The following EPHA6 variants were observed in gnomAD, a reference collection of about 807,000 sequenced individuals.
The protein encoded by EPHA6 is EPH receptor A6.
A neutral mutation model predicts 112.0 loss-of-function variants in EPHA6; 50 were observed. The ratio of observed to expected loss-of-function variants is 0.45; its 90% CI spans 0.36 to 0.56. The LOEUF (loss-of-function observed/expected upper bound fraction) is 0.56. Ranked by LOEUF, EPHA6 falls within the 20% of genes least tolerant of loss-of-function variation. The probability of loss-of-function intolerance (pLI) is 0.00; values close to 1 mark genes in which losing one functional copy is unlikely to be tolerated. For synonymous variants in EPHA6, 529 were observed against 490.7 expected, an observed-to-expected ratio of 1.08 and a Z score of -1.03; for missense variants, 1,280 against 1,417.4, an observed-to-expected ratio of 0.90 and a Z score of 1.56.
chr3:96,885,232 G>A (rs1037072016), intron 2 of EPHA6, among the ~76,000 whole-genome samples: 1 of 152,092 alleles, frequency 6.6e-6, no homozygotes, highest in Non-Finnish European at 1.5e-5. Flanking sequence ...GGTGATGCTG[G>A]CTTCATCGAA....
chr3:97,414,644 TAA>T (rs1483470939), intron 6 of EPHA6, among the ~76,000 whole-genome samples: 1 of 152,180 alleles, frequency 6.6e-6, no homozygotes, highest in East Asian at 1.9e-4. Context: ...GAAAAAAACC[TAA>T]GTCTGTATTC....
intron 1 of EPHA6, among the ~76,000 whole-genome samples, chr3:96,844,418 C>T (rs2034946823): frequency 6.6e-6 from 1 of 151,972 alleles, no homozygotes; most frequent in Non-Finnish European, 1.5e-5. Flanking sequence ...AAGTTAGTCA[C>T]ATTTAAAATA....
rs561231499 is a variant in EPHA6, at chr3:97,591,951, A to T, written c.2387-661A>T. Among the ~76,000 whole-genome samples, 9 of 152,258 alleles carry T rather than the reference A, an allele frequency of 5.9e-5. No homozygotes were observed. In the Middle Eastern group the frequency reaches 0.01, roughly 173 times the overall value. On this transcript the variant is annotated intron_variant, in intron 11 of 17. Coordinates refer to ENST00000389672, the MANE Select transcript of EPHA6 (RefSeq NM_001080448.3). ...CGTTCTGACACTCTTTTATTCTATG[A>T]TTCATTATATAATTTTATGGATAAA... is the stretch of plus-strand genomic sequence containing the variant.
chr3:96,954,950 A>G (rs1198302010), intron 2 of EPHA6, among the ~76,000 whole-genome samples: 1 of 151,734 alleles, frequency 6.6e-6, no homozygotes, highest in African/African-American at 2.4e-5. Context: ...TTCTACATCT[A>G]GAATGCTATC....
At chr3:97,197,727 AG>A (rs2077477550) in intron 3 of EPHA6, among the ~76,000 whole-genome samples, 1 of 152,000 alleles carries the variant, frequency 6.6e-6, no homozygotes, top group South Asian at 2.1e-4. Context: ...CTTCTAGCCC[AG>A]TACAGCGCCA....
At chr3:96,974,228 T>C (rs2042432004) in intron 2 of EPHA6, among the ~76,000 whole-genome samples, 1 of 147,660 alleles carries the variant, frequency 6.8e-6, no homozygotes, top group Non-Finnish European at 1.5e-5. Context: ...TGATATATTA[T>C]TAAATTATTA....
At chr3:97,098,969 T>A (rs1272052065) in intron 3 of EPHA6, among the ~76,000 whole-genome samples, 2 of 151,930 alleles carry the variant, frequency 1.3e-5, no homozygotes, top group Non-Finnish European at 2.9e-5. Context: ...ATTTATGAGA[T>A]TCTATGCAAT....
At chr3:96,830,788 G>C (rs912600133) in intron 1 of EPHA6, among the ~76,000 whole-genome samples, 11 of 151,776 alleles carry the variant, frequency 7.2e-5, no homozygotes, top group African/African-American at 2.7e-4. Context: ...GAAATGGGGG[G>C]GACATTGATC....
At chr3:97,544,368 G>A (rs2107685757) in intron 11 of EPHA6, among the ~76,000 whole-genome samples, 1 of 152,130 alleles carries the variant, frequency 6.6e-6, no homozygotes, top group South Asian at 2.1e-4. Flanking sequence ...TTTTGTCTTT[G>A]GTTCTGTTTA....
chr3:97,118,372 G>A (rs2047952630), intron 3 of EPHA6, among the ~76,000 whole-genome samples: 1 of 150,802 alleles, frequency 6.6e-6, no homozygotes, highest in Non-Finnish European at 1.5e-5. Context: ...TATTTTATTT[G>A]GAAAACACCT....
chr3:96,979,147 G>A (rs868859415), intron 2 of EPHA6, among the ~76,000 whole-genome samples: 1 of 152,002 alleles, frequency 6.6e-6, no homozygotes. Context: ...CCATGTTTGT[G>A]TGCTGCACCC....
At chr3:97,153,810 C>G (rs947223064) in intron 3 of EPHA6, among the ~76,000 whole-genome samples, 4 of 152,110 alleles carry the variant, frequency 2.6e-5, no homozygotes, top group Admixed American at 6.6e-5. Context: ...AACTTCCACT[C>G]CTGGCCCCAT....
chr3:96,997,931 A>T (rs181962472), intron 3 of EPHA6, among the ~76,000 whole-genome samples: 10 of 152,178 alleles, frequency 6.6e-5, no homozygotes, highest in African/African-American at 1.7e-4. Flanking sequence ...GTAAAGCAAG[A>T]CATGCTTGTA....
At chr3:97,344,878 G>A in intron 5 of EPHA6, among the ~76,000 whole-genome samples, 1 of 151,824 alleles carries the variant, frequency 6.6e-6, no homozygotes, top group Non-Finnish European at 1.5e-5. Flanking sequence ...ACAGAGAGAG[G>A]GAGAGAGAGA....
intron 11 of EPHA6, among the ~76,000 whole-genome samples, chr3:97,577,480 T>A (rs1465179703): frequency 2.0e-5 from 3 of 152,082 alleles, no homozygotes; most frequent in Admixed American, 2.0e-4. Flanking sequence ...CATCTAAGCA[T>A]CAGGCATTGA....
chr3:97,180,464 G>A lies in EPHA6; in HGVS notation c.1115-45800G>A, dbSNP rs527579117. Among the ~76,000 whole-genome samples, 5 of 152,226 alleles carry A rather than the reference G, an allele frequency of 3.3e-5. No individual in the cohort carries two copies. In the South Asian group the frequency reaches 8.3e-4, roughly 25 times the overall value. On this transcript the variant is annotated intron_variant, in intron 3 of 17. Coordinates refer to ENST00000389672, the MANE Select transcript of EPHA6 (RefSeq NM_001080448.3). Reference sequence around the variant, plus strand: ...TTCCAAGGCAGATGGAGTTTGCCCTGTAGCCACCACCACTTGTTATGTGCT... The same window carrying A: ...TTCCAAGGCAGATGGAGTTTGCCCTATAGCCACCACCACTTGTTATGTGCT...
At chr3:97,339,709 G>A (rs893084402) in intron 5 of EPHA6, among the ~76,000 whole-genome samples, 2 of 152,068 alleles carry the variant, frequency 1.3e-5, no homozygotes, top group East Asian at 1.9e-4. Flanking sequence ...ATATTGGTAC[G>A]AGCCTAGGCC....
At chr3:97,577,551 T>C (rs946652222) in intron 11 of EPHA6, among the ~76,000 whole-genome samples, 2 of 152,134 alleles carry the variant, frequency 1.3e-5, no homozygotes, top group African/African-American at 4.8e-5. Context: ...AAAAATTGTT[T>C]CCAATTTTTA....
intron 1 of EPHA6, among the ~76,000 whole-genome samples, chr3:96,833,088 C>A (rs969879326): frequency 2.0e-5 from 3 of 151,120 alleles, no homozygotes; most frequent in African/African-American, 7.3e-5. Flanking sequence ...TATGTTGAAG[C>A]CTTAACTCCT....
Sources: allele counts gnomAD v4.1 joint callset (sites outside exome capture counted in the v4.1 genomes callset), GRCh38; gene constraint gnomAD v4.1.1; transcripts MANE v1.5; gene names NCBI Gene and HGNC (gene_info 2026-07-23, HGNC 2026-07-21).